The following PEG3 variants were observed in gnomAD, a reference collection of about 807,000 sequenced individuals.
The protein encoded by PEG3 is paternally expressed 3, also known as paternally-expressed gene 3 protein.
Under a neutral mutation model 35.5 loss-of-function variants are expected in PEG3, and 23 were observed. That is an observed-to-expected ratio of 0.65 (90% CI 0.47 to 0.92). The LOEUF (loss-of-function observed/expected upper bound fraction) is 0.92, where lower values mean the gene tolerates loss of function less well. Ranked by LOEUF, PEG3 falls within the 40% of genes least tolerant of loss-of-function variation. The probability of loss-of-function intolerance (pLI) is 0.00; values close to 1 mark genes in which losing one functional copy is unlikely to be tolerated. For synonymous variants in PEG3, 707 were observed against 697.0 expected (o/e 1.01, Z -0.23); for missense variants, 1,960 against 1,985.3 (o/e 0.99, Z 0.24).
At chr19:56,840,034 C>G (rs1601364481) in intron 1 of PEG3, among the ~76,000 whole-genome samples, 1 of 152,240 alleles carries the variant, frequency 6.6e-6, no homozygotes, top group Non-Finnish European at 1.5e-5. Flanking sequence ...ACAAGCCCCG[C>G]CCCCAGAGGG....
chr19:56,811,291 T>C lies in PEG3; in HGVS notation c.*2384A>G. ...AACAGCTTTTGACTATAAGCATATATATTTTTAAACAGTTATAATGAACTG... is the reference window on the plus strand; with the variant it reads ...AACAGCTTTTGACTATAAGCATATACATTTTTAAACAGTTATAATGAACTG... On this transcript the variant is annotated 3_prime_UTR_variant, in exon 10 of 10. Transcript: ENST00000326441. 1.1e-6 allele frequency: 1 copy of C among 918,126 alleles called. No individual in the cohort carries two copies. The highest frequency in any genetic ancestry group is 5.0e-5 in the South Asian group (1 of 19,836). 56.9% of individuals were successfully genotyped at this position (918,126 alleles called of 1,614,324 possible).
In PEG3 at chr19:56,817,211, G is replaced by T; in HGVS notation, c.1231C>A (p.Pro411Thr). The change falls in exon 10 of 10, where the codon CCC (proline) becomes ACC (threonine). Residue 411 changes from proline to threonine, a missense_variant. Around this residue, in one of 5 missense-constraint regions of PEG3, gnomAD observed 613 missense variants for 577.1 expected, o/e 1.06. Transcript: ENST00000326441. Reference sequence around the variant, plus strand: ...CCACATTCAAAGGGCTTCTTCCTGGGACAGCCTTTTTGATCGTGAATCGAG... The same window carrying T: ...CCACATTCAAAGGGCTTCTTCCTGGTACAGCCTTTTTGATCGTGAATCGAG... ...KGSIHDQKGC[P>T]RKKPFECGSE... 2.5e-6 allele frequency: 4 copies of T among 1,614,156 alleles called. No homozygotes were observed. The highest frequency in any genetic ancestry group is 3.4e-6 in the Non-Finnish European group (4 of 1,179,998).
chr19:56,814,861 T>C lies in PEG3; in HGVS notation c.3581A>G (p.Lys1194Arg). ...GGCAATAAAACCATCATCACACCCC[T>C]TCATGGAATACAACTGGTCTTGTTC... ...IHEQDQLYSM[K>R]GCDDGFIALL... The change falls in exon 10 of 10, where the codon AAG (lysine) becomes AGG (arginine). Residue 1194 changes from lysine to arginine, a missense_variant. This residue lies in a region of PEG3 where 124 missense variants were observed against 179.6 expected (regional missense o/e 0.69). Coordinates refer to ENST00000326441, the MANE Select transcript of PEG3 (RefSeq NM_006210.3). This position sits in a 1 kb window ranked among gnomAD's most constrained non-coding sequence, Gnocchi z 5.8. The C allele has an allele frequency of 6.2e-7, 1 of 1,614,154 alleles. No homozygotes were observed. Among genetic ancestry groups the C allele is most frequent in the Non-Finnish European group, 8.5e-7 (1 of 1,180,030 alleles).
intron 4 of PEG3, 99 bp from the exon 5 acceptor site, chr19:56,823,778 T>A: frequency 7.4e-7 from 1 of 1,356,708 alleles, no homozygotes; most frequent in East Asian, 2.3e-5. Flanking sequence ...CAGACACACA[T>A]GGTTGGAATG....
Position 56,813,847 on chromosome 19 carries a change from A to G in PEG3, c.4595T>C (p.Ile1532Thr). ...EHLKTHASMI[I>T]FEPANAFGEC... ...CCCAAAGGCATTTGCAGGCTCAAAT[A>G]TGATCATGCTGGCATGAGTTTTCAG... Residue 1532 changes from isoleucine to threonine, a missense_variant, in exon 10 of 10, where the codon ATA becomes ACA. Around this residue, in one of 5 missense-constraint regions of PEG3, gnomAD observed 416 missense variants for 416.7 expected, o/e 1.00. Coordinates refer to ENST00000326441, the MANE Select transcript of PEG3 (RefSeq NM_006210.3). 1 of 1,614,198 alleles carries G rather than the reference A, an allele frequency of 6.2e-7. No individual in the cohort carries two copies. Among genetic ancestry groups the G allele is most frequent in the South Asian group, 1.1e-5 (1 of 91,084 alleles).
In PEG3 at chr19:56,815,226, C is replaced by A. The variant is rs111898886; in HGVS notation, c.3216G>T (p.Glu1072Asp). Residue 1072 changes from glutamate (E) to aspartate (D), a missense_variant, in exon 10 of 10, where the codon GAG becomes GAT. By Grantham distance (45) the Glu-to-Asp change is conservative. Coordinates refer to ENST00000326441, the MANE Select transcript of PEG3 (RefSeq NM_006210.3). ...ESQGENTDGE[E>D]THSEETHGQE... ...GACCATGGGTCTCCTCGCTGTGGGT[C>A]TCCTCCCCATCAGTATTCTCGCCTT... 801 of 1,614,020 alleles carry A rather than the reference C, an allele frequency of 5.0e-4. 3 individuals carry two copies. The African/African-American group carries it at 8.8e-3, about 18-fold the overall frequency.
In PEG3 at chr19:56,815,927, C is replaced by G. The variant is rs7251798; in HGVS notation, c.2515G>C (p.Val839Leu). The change falls in exon 10 of 10, where the codon GTG becomes CTG. Residue 839 changes from valine to leucine, a missense_variant. Transcript: ENST00000326441. ...TGACTTCTTGGAGGTTTGGAAGCCA[C>G]TAAGCTATGGATAACAGACCTACTG... ...EYSRSVIHSL[V>L]ASKPPRSHNG... 2.1e-3 allele frequency: 3,374 copies of G among 1,607,834 alleles called. 61 individuals carry two copies. The African/African-American group carries it at 0.04, about 19-fold the overall frequency.
At position 56,836,115 on chromosome 19, in the gene PEG3, A is replaced by G. The variant is rs1394493430; in HGVS notation, c.-249-11T>C. On this transcript the variant is annotated splice_polypyrimidine_tract_variant and intron_variant, in intron 1 of 9. Transcript: ENST00000326441. ...ATCAAGAAGGCAAAGCTGTAGAGGA[A>G]AAGAAAATGTGAGACGCCAAGTTTA... 2.1e-6 allele frequency: 1 copy of G among 466,866 alleles called. No homozygotes were observed. Among genetic ancestry groups the G allele is most frequent in the Non-Finnish European group, 4.3e-6 (1 of 232,348 alleles). 28.9% of individuals were successfully genotyped at this position (466,866 alleles called of 1,614,324 possible). A position where few individuals can be genotyped will look rare whatever the true frequency, so the allele number is the denominator to read the frequency against.
At chr19:56,839,839 C>A (rs1209179923) in intron 1 of PEG3, among the ~76,000 whole-genome samples, 1 of 149,926 alleles carries the variant, frequency 6.7e-6, no homozygotes, top group Non-Finnish European at 1.5e-5. Context: ...CTTGAGCAGA[C>A]GATTACGTCC....
intron 2 of PEG3, among the ~76,000 whole-genome samples, chr19:56,834,019 G>A (rs991526559): frequency 6.6e-6 from 1 of 152,152 alleles, no homozygotes; most frequent in African/African-American, 2.4e-5. Flanking sequence ...AGAAAGAGAG[G>A]AAATAATATC....
At chr19:56,821,899 C>G in intron 6 of PEG3, 145 bp from the exon 7 acceptor site, 1 of 839,634 alleles carries the variant, frequency 1.2e-6, no homozygotes, top group Non-Finnish European at 1.9e-6. Context: ...GTGGCAGCCT[C>G]TGAGGAGTCC....
In PEG3 at chr19:56,810,141, A is replaced by AT; in HGVS notation, c.*3533dup. 1.0e-6 allele frequency: 1 copy of AT among 973,588 alleles called. No homozygotes were observed. The highest frequency in any genetic ancestry group is 1.2e-6 in the Non-Finnish European group (1 of 819,100). 60.3% of individuals were successfully genotyped at this position (973,588 alleles called of 1,614,324 possible). On this transcript the variant is annotated 3_prime_UTR_variant, in exon 10 of 10. Transcript: ENST00000326441. Reference sequence around the variant, plus strand: ...TTACAGATAGAATGACCACAACCATATTAACAAACCAAAAACCTGTGCACA... The same window carrying AT: ...TTACAGATAGAATGACCACAACCATATTTAACAAACCAAAAACCTGTGCACA...
At position 56,816,970 on chromosome 19, in the gene PEG3, G is replaced by A; in HGVS notation, c.1472C>T (p.Ala491Val). The A allele has an allele frequency of 6.2e-7, 1 of 1,614,136 alleles. No individual in the cohort carries two copies. Among genetic ancestry groups the A allele is most frequent in the Non-Finnish European group, 8.5e-7 (1 of 1,179,988 alleles). The change falls in exon 10 of 10, where the codon GCT (alanine) becomes GTT (valine). Residue 491 changes from alanine to valine, a missense_variant. By Grantham distance (64) the Ala-to-Val change is moderately conservative. This residue lies in a region of PEG3 where 798 missense variants were observed against 782.4 expected (regional missense o/e 1.02). Coordinates refer to ENST00000326441, the MANE Select transcript of PEG3 (RefSeq NM_006210.3). ...EYGESFIHSVAVSEVQKSQVG... is the reference protein window; with the variant it reads ...EYGESFIHSVVVSEVQKSQVG... ...CTGACTTTTCTGAACTTCACTGACA[G>A]CCACACTGTGGATAAAGGACTCACC...
chr19:56,811,700 T>A lies in PEG3; in HGVS notation c.*1975A>T. 1 of 985,506 alleles carries A rather than the reference T, an allele frequency of 1.0e-6. No individual in the cohort carries two copies. Among genetic ancestry groups the A allele is most frequent in the Non-Finnish European group, 1.2e-6 (1 of 829,966 alleles). The allele number at this position is 985,506 out of a possible 1,614,324, so 61.0% of individuals were successfully genotyped here. The stretch of plus-strand genomic sequence containing the variant: ...GAGTCCTTTTCCCATGTAGTAAACC[T>A]CACTGCCCCTCAGCTTTCCCGATGT... On this transcript the variant is annotated 3_prime_UTR_variant, in exon 10 of 10. Transcript: ENST00000326441.
rs886443829 is a variant in PEG3, at chr19:56,835,537, T to A, written c.-163+481A>T. 2.0e-5 allele frequency among the ~76,000 whole-genome samples: 3 copies of A among 151,902 alleles called. No individual in the cohort carries two copies. The East Asian group carries it at 5.8e-4, about 29-fold the overall frequency. Reference sequence around the variant, plus strand: ...ATCTCAGGGAGGCCCCTATGTGGCCTCTCTAAGATTAAGTCAGCTGTTGCT... The same window carrying A: ...ATCTCAGGGAGGCCCCTATGTGGCCACTCTAAGATTAAGTCAGCTGTTGCT... On this transcript the variant is annotated intron_variant, in intron 2 of 9. Coordinates refer to ENST00000326441, the MANE Select transcript of PEG3 (RefSeq NM_006210.3).
Position 56,822,806 on chromosome 19 carries a change from C to T in PEG3, c.512G>A (p.Ser171Asn). 1 of 1,614,144 alleles carries T rather than the reference C, an allele frequency of 6.2e-7. No homozygotes were observed. The change falls in exon 6 of 10, where the codon AGC becomes AAC. Residue 171 changes from serine (S) to asparagine (N), a missense_variant. Coordinates refer to ENST00000326441, the MANE Select transcript of PEG3 (RefSeq NM_006210.3). ...GCGGTCTCGTGGCTCCATGTCTCTG[C>T]TTCTGCCCCTCCGGTCCCAGTCCCG... Reference protein sequence around the residue: ...SDRDWDRRGRSRDMEPRDRWS... With the variant: ...SDRDWDRRGRNRDMEPRDRWS...
chr19:56,826,594 G>A (rs1372607174), intron 2 of PEG3, 131 bp from the exon 3 acceptor site: 3 of 152,270 alleles, frequency 2.0e-5, no homozygotes, highest in Admixed American at 6.5e-5. Context: ...CTATACCTTC[G>A]GGGAAAGGCC....
chr19:56,815,333 T>G lies in PEG3; in HGVS notation c.3109A>C (p.Arg1037=). Residue 1037 remains arginine, a synonymous_variant, in exon 10 of 10, where the codon AGA becomes CGA. Transcript: ENST00000326441. The part of the protein sequence containing the change: ...EQARNKCKDF[R]QFFATSEDLN... The stretch of plus-strand genomic sequence containing the variant: ...TCTTCGCTGGTAGCAAAAAATTGTC[T>G]GAAGTCCTTACATTTGTTCCGCGCT... The G allele has an allele frequency of 6.2e-7, 1 of 1,614,246 alleles. No individual in the cohort carries two copies. The highest frequency in any genetic ancestry group is 8.5e-7 in the Non-Finnish European group (1 of 1,180,042).
intron 3 of PEG3, 128 bp from the exon 4 acceptor site, chr19:56,824,869 C>T (rs571612035): frequency 1.1e-5 from 6 of 541,260 alleles, no homozygotes; most frequent in Admixed American, 3.1e-5. Flanking sequence ...GGCAAACAAC[C>T]GCACAAAGTT....
Sources: allele counts gnomAD v4.1 joint callset (sites outside exome capture counted in the v4.1 genomes callset), GRCh38; gene constraint gnomAD v4.1.1; regional missense constraint gnomAD v4.1.1; non-coding constraint Gnocchi (gnomAD v3.1); transcripts MANE v1.5; gene names NCBI Gene and HGNC (gene_info 2026-07-23, HGNC 2026-07-21).